Variants in TTLL5 observed in about 807,000 individuals in gnomAD.
The protein encoded by TTLL5 is tubulin polyglutamylase TTLL5.
TTLL5 carries 132 observed loss-of-function variants against 168.4 expected under a neutral mutation model. The ratio of observed to expected loss-of-function variants is 0.78; its 90% CI spans 0.68 to 0.91. The LOEUF (loss-of-function observed/expected upper bound fraction) is 0.91. TTLL5 is among the 40% of genes least tolerant of loss of function. The pLI is 0.00. For synonymous variants in TTLL5, 546 were observed against 558.6 expected (o/e 0.98, Z 0.32); for missense variants, 1,545 against 1,581.5 (o/e 0.98, Z 0.39).
intron 12 of TTLL5, 30 bp from the exon 13 acceptor site, chr14:75,732,308 C>G (rs758912490): frequency 6.3e-7 from 1 of 1,592,910 alleles, no homozygotes; most frequent in South Asian, 1.1e-5. Flanking sequence ...GGAAAATGAT[C>G]TTGTGTATTG....
chr14:75,913,697 T>G (rs1039421846), intron 31 of TTLL5, among the ~76,000 whole-genome samples: 10 of 152,144 alleles, frequency 6.6e-5, no homozygotes, highest in African/African-American at 2.4e-4. Flanking sequence ...ACATTTGGAA[T>G]ACCTGCCTAC....
At chr14:75,671,018 A>G (rs1177560363) in intron 3 of TTLL5, among the ~76,000 whole-genome samples, 9 of 152,224 alleles carry the variant, frequency 5.9e-5, no homozygotes, top group Middle Eastern at 3.4e-3. Context: ...TAAGAGTTTT[A>G]TGGTTTAAGC....
chr14:75,886,632 C>A, intron 30 of TTLL5: 1 of 1,545,384 alleles, frequency 6.5e-7, no homozygotes, highest in Non-Finnish European at 8.7e-7. Context: ...TTTTTTTTTA[C>A]CATTTTCCTG....
At chr14:75,741,464 C>T (rs1318851281) in intron 15 of TTLL5, among the ~76,000 whole-genome samples, 3 of 150,112 alleles carry the variant, frequency 2.0e-5, no homozygotes, top group Admixed American at 6.6e-5. Flanking sequence ...GAATGACTTG[C>T]GTTTGGACTG....
At chr14:75,681,120 T>C (rs1481629942) in intron 3 of TTLL5, among the ~76,000 whole-genome samples, 1 of 152,114 alleles carries the variant, frequency 6.6e-6, no homozygotes, top group African/African-American at 2.4e-5. Flanking sequence ...TTTTTATTAG[T>C]GTATTAAATA....
In TTLL5 at chr14:75,925,540, G is replaced by A. The variant is rs1461660106; in HGVS notation, c.3823+23316G>A. On this transcript the variant is annotated intron_variant, in intron 31 of 31. Coordinates refer to ENST00000298832, the MANE Select transcript of TTLL5 (RefSeq NM_015072.5). ...TCACTTCCTAGATGGGATGGCGGCTGGGCAGAGACGCTCCTCACTTTCCAG... is the reference window on the plus strand; with the variant it reads ...TCACTTCCTAGATGGGATGGCGGCTAGGCAGAGACGCTCCTCACTTTCCAG... Among the ~76,000 whole-genome samples the A allele has an allele frequency of 6.7e-5, 10 of 150,194 alleles. 1 individual carries two copies. Among genetic ancestry groups the A allele is most frequent in the African/African-American group, 2.5e-4 (10 of 40,214 alleles).
At chr14:75,922,156 A>G (rs1253063995) in intron 31 of TTLL5, among the ~76,000 whole-genome samples, 2 of 118,114 alleles carry the variant, frequency 1.7e-5, no homozygotes, top group East Asian at 4.5e-4. Flanking sequence ...GGTTTTCTAA[A>G]TATACAATCA....
intron 26 of TTLL5, among the ~76,000 whole-genome samples, chr14:75,792,241 G>A (rs1349487451): frequency 2.7e-5 from 3 of 111,682 alleles, no homozygotes; most frequent in South Asian, 7.1e-4. Context: ...GGGGAGGGGG[G>A]AGGGATAGCA....
intron 12 of TTLL5, among the ~76,000 whole-genome samples, chr14:75,727,163 A>G (rs1370627594): frequency 6.6e-6 from 1 of 152,208 alleles, no homozygotes; most frequent in Non-Finnish European, 1.5e-5. Flanking sequence ...TACTTACCAT[A>G]TGACCCAGTA....
At chr14:75,949,261 G>A (rs1180548621) in intron 31 of TTLL5, among the ~76,000 whole-genome samples, 1 of 151,282 alleles carries the variant, frequency 6.6e-6, no homozygotes, top group Non-Finnish European at 1.5e-5. Flanking sequence ...CACATGCCTA[G>A]GAATAAATCT....
intron 31 of TTLL5, among the ~76,000 whole-genome samples, chr14:75,914,097 G>C (rs1397954641): frequency 1.7e-5 from 2 of 117,144 alleles, no homozygotes; most frequent in African/African-American, 6.7e-5. Context: ...GTTTTGTTTT[G>C]TTTTTGTTTT....
chr14:75,719,709 G>A, intron 10 of TTLL5, 26 bp from the exon 11 acceptor site: 1 of 1,585,450 alleles, frequency 6.3e-7, no homozygotes. Context: ...TTACATATGT[G>A]ACTTTGATTT....
At chr14:75,874,642 A>C (rs1283869895) in intron 29 of TTLL5, among the ~76,000 whole-genome samples, 2 of 152,202 alleles carry the variant, frequency 1.3e-5, no homozygotes, top group Non-Finnish European at 2.9e-5. Flanking sequence ...ATATATGTTA[A>C]AAAGTTTTGA....
At chr14:75,787,429 C>T (rs1277720924) in intron 26 of TTLL5, among the ~76,000 whole-genome samples, 1 of 152,042 alleles carries the variant, frequency 6.6e-6, no homozygotes, top group Non-Finnish European at 1.5e-5. Flanking sequence ...TACATAATGA[C>T]AAAAGGTTCA....
At chr14:75,764,797 A>G in intron 19 of TTLL5, 25 bp downstream of exon 19, 2 of 1,613,610 alleles carry the variant, frequency 1.2e-6, no homozygotes, top group South Asian at 1.1e-5. Flanking sequence ...GCTTTCACCA[A>G]ACTCCCTTAT....
At chr14:75,805,011 A>G (rs1893567106) in intron 27 of TTLL5, among the ~76,000 whole-genome samples, 1 of 152,066 alleles carries the variant, frequency 6.6e-6, no homozygotes, top group Non-Finnish European at 1.5e-5. Context: ...TGTACTGCCA[A>G]ACTTCTTTTA....
At chr14:75,911,543 A>G (rs1452772408) in intron 31 of TTLL5, among the ~76,000 whole-genome samples, 1 of 152,042 alleles carries the variant, frequency 6.6e-6, no homozygotes, top group South Asian at 2.1e-4. Flanking sequence ...TAGAAGAATC[A>G]CTCTTATTTT....
At chr14:75,898,388 T>C (rs1408616976) in intron 30 of TTLL5, among the ~76,000 whole-genome samples, 1 of 152,180 alleles carries the variant, frequency 6.6e-6, no homozygotes, top group African/African-American at 2.4e-5. Context: ...ATATCTATAG[T>C]CCCCGCACTT....
intron 27 of TTLL5, among the ~76,000 whole-genome samples, chr14:75,813,080 T>G (rs1894150715): frequency 1.3e-5 from 2 of 152,200 alleles, no homozygotes; most frequent in African/African-American, 4.8e-5. Flanking sequence ...ATAATAATTA[T>G]TTGTTCTTGA....
Sources: allele counts gnomAD v4.1 joint callset (sites outside exome capture counted in the v4.1 genomes callset), GRCh38; gene constraint gnomAD v4.1.1; transcripts MANE v1.5; gene names NCBI Gene and HGNC (gene_info 2026-07-23, HGNC 2026-07-21).